Variants in TMEM243 observed in about 807,000 individuals in gnomAD.
TMEM243 encodes the protein MDR1 and mitochondrial taxol resistance associated.
A neutral mutation model predicts 15.0 loss-of-function variants in TMEM243; 20 were observed. That is an observed-to-expected ratio of 1.33 (90% CI 0.94 to 1.93). The LOEUF (loss-of-function observed/expected upper bound fraction) is 1.93. Ranked by LOEUF, TMEM243 falls within the 30% of genes most tolerant of loss-of-function variation. The pLI, the probability that TMEM243 is intolerant of heterozygous loss-of-function variation, is 0.00. For missense variants in TMEM243, 156 were observed against 142.1 expected, an observed-to-expected ratio of 1.10 and a Z score of -0.50; for synonymous variants, 72 against 52.7, an observed-to-expected ratio of 1.37 and a Z score of -1.59.
At chr7:87,209,845 T>TGA (rs201799551) in intron 1 of TMEM243, among the ~76,000 whole-genome samples, 4,127 of 95,046 alleles carry the variant, frequency 0.043, 468 homozygotes, top group African/African-American at 0.17. Flanking sequence ...AGAGAGACAG[T>TGA]GAGAGCGAGA....
At position 87,219,725 on chromosome 7, in the gene TMEM243, C is replaced by T; in HGVS notation, c.-222G>A. The T allele has an allele frequency of 1.7e-6, 1 of 571,768 alleles. No homozygotes were observed. Among genetic ancestry groups the T allele is most frequent in the Non-Finnish European group, 3.1e-6 (1 of 323,142 alleles). The allele number at this position is 571,768 out of a possible 1,614,324, so 35.4% of individuals were successfully genotyped here. ...ACCTCCTCATCTTGAGCAGCTGCCG[C>T]AGGAAGTGAAAGGAAACAAACACTG... is the stretch of plus-strand genomic sequence containing the variant. On this transcript the variant is annotated 5_prime_UTR_variant, in exon 1 of 4. Coordinates refer to ENST00000257637, the MANE Select transcript of TMEM243 (RefSeq NM_024315.4).
intron 2 of TMEM243, chr7:87,198,355 T>C (rs1340605013): frequency 3.7e-6 from 1 of 267,444 alleles, no homozygotes; most frequent in African/African-American, 2.2e-5. Context: ...GTTCTAGCCA[T>C]TTTGTTATTT....
At chr7:87,205,834 A>G (rs1802178380) in intron 1 of TMEM243, among the ~76,000 whole-genome samples, 1 of 151,636 alleles carries the variant, frequency 6.6e-6, no homozygotes, top group Non-Finnish European at 1.5e-5. Context: ...AGCCCTCCAA[A>G]CTGTTCCAAC....
intron 1 of TMEM243, chr7:87,199,265 T>G (rs79161971): frequency 0.033 from 15,625 of 471,370 alleles, 391 homozygotes; most frequent in Non-Finnish European, 0.043. Context: ...CTGGGGAAGG[T>G]TTCTTGAAGG....
chr7:87,197,849 C>T, intron 3 of TMEM243, 92 bp downstream of exon 3: 1 of 1,591,348 alleles, frequency 6.3e-7, no homozygotes, highest in Non-Finnish European at 8.6e-7. Flanking sequence ...TAAGAGATAC[C>T]CTTTTGTATA....
At chr7:87,216,798 G>A (rs532822825) in intron 1 of TMEM243, 8 of 152,328 alleles carry the variant, frequency 5.3e-5, no homozygotes, top group African/African-American at 1.9e-4. Context: ...CAACAGGTAT[G>A]CAGATGTCTG....
intron 1 of TMEM243, among the ~76,000 whole-genome samples, chr7:87,214,876 T>TTA (rs74459312): frequency 2.0e-5 from 3 of 152,324 alleles, no homozygotes; most frequent in East Asian, 3.9e-4. Flanking sequence ...CATATACACC[T>TTA]TACACACATA....
At chr7:87,197,863 C>A in intron 3 of TMEM243, 78 bp downstream of exon 3, 3 of 1,604,218 alleles carry the variant, frequency 1.9e-6, no homozygotes, top group Non-Finnish European at 2.6e-6. Flanking sequence ...TTGTATAGAC[C>A]CAAGGCTGAA....
chr7:87,203,701 A>G (rs1166497286), intron 1 of TMEM243, among the ~76,000 whole-genome samples: 2 of 152,210 alleles, frequency 1.3e-5, no homozygotes, highest in Non-Finnish European at 2.9e-5. Flanking sequence ...GAAGTACAAC[A>G]GAATTTTAAG....
At chr7:87,206,023 GA>G (rs1802194561) in intron 1 of TMEM243, among the ~76,000 whole-genome samples, 1 of 152,192 alleles carries the variant, frequency 6.6e-6, no homozygotes, top group South Asian at 2.1e-4. Flanking sequence ...TCAAGTGGCA[GA>G]AGGCAAAAGA....
At chr7:87,204,182 A>G (rs1802035363) in intron 1 of TMEM243, among the ~76,000 whole-genome samples, 3 of 152,148 alleles carry the variant, frequency 2.0e-5, no homozygotes, top group Admixed American at 2.0e-4. Context: ...CTACTACGAG[A>G]ACAGTATGGG....
chr7:87,212,488 A>G (rs1250339468), intron 1 of TMEM243, among the ~76,000 whole-genome samples: 2 of 152,224 alleles, frequency 1.3e-5, no homozygotes, highest in African/African-American at 4.8e-5. Flanking sequence ...ACCAGCAAAA[A>G]TCACATCCAG....
intron 1 of TMEM243, among the ~76,000 whole-genome samples, chr7:87,200,776 TAAAGAC>T (rs955509781): frequency 3.9e-5 from 6 of 152,170 alleles, no homozygotes. Context: ...CATTAAGTGA[TAAAGAC>T]AAGATTCAGT....
At chr7:87,203,765 T>G (rs1282057760) in intron 1 of TMEM243, among the ~76,000 whole-genome samples, 1 of 152,082 alleles carries the variant, frequency 6.6e-6, no homozygotes, top group East Asian at 1.9e-4. Flanking sequence ...TTCTCCTGGC[T>G]CTAAAAAGAA....
chr7:87,196,996 G>A (rs1460061129), intron 3 of TMEM243, among the ~76,000 whole-genome samples: 2 of 151,894 alleles, frequency 1.3e-5, no homozygotes, highest in African/African-American at 4.8e-5. Context: ...ATTCACACCT[G>A]TATACTCCAC....
At chr7:87,206,028 C>T (rs1229320963) in intron 1 of TMEM243, among the ~76,000 whole-genome samples, 1 of 152,022 alleles carries the variant, frequency 6.6e-6, no homozygotes, top group East Asian at 1.9e-4. Flanking sequence ...TGGCAGAAGG[C>T]AAAAGATAAC....
chr7:87,196,606 A>G lies in TMEM243; in HGVS notation c.*30T>C. The G allele has an allele frequency of 6.3e-7, 1 of 1,589,638 alleles. No individual in the cohort carries two copies. Among genetic ancestry groups the G allele is most frequent in the South Asian group, 1.2e-5 (1 of 85,284 alleles). On this transcript the variant is annotated 3_prime_UTR_variant, in exon 4 of 4. Coordinates refer to ENST00000257637, the MANE Select transcript of TMEM243 (RefSeq NM_024315.4). Reference sequence around the variant, plus strand: ...ACTGTCCTAATGTATCATTTTGAAGAGTCCTGGTAAGTACTTCTCCTTGGC... The same window carrying G: ...ACTGTCCTAATGTATCATTTTGAAGGGTCCTGGTAAGTACTTCTCCTTGGC...
intron 1 of TMEM243, among the ~76,000 whole-genome samples, chr7:87,204,300 A>C (rs1334678120): frequency 2.0e-5 from 3 of 152,144 alleles, no homozygotes; most frequent in Non-Finnish European, 4.4e-5. Context: ...ACACGGCCAA[A>C]CCACACAATT....
intron 1 of TMEM243, among the ~76,000 whole-genome samples, chr7:87,213,900 T>C (rs2129237974): frequency 6.6e-6 from 1 of 152,238 alleles, no homozygotes; most frequent in East Asian, 1.9e-4. Context: ...CCTCTCACTA[T>C]GGTATCTACT....
Sources: gnomAD v4.1 joint callset for allele counts (sites outside exome capture counted in the v4.1 genomes callset) on GRCh38, gnomAD v4.1.1 for gene constraint, MANE v1.5 for transcripts, NCBI Gene and HGNC (gene_info 2026-07-23, HGNC 2026-07-21) for gene names.